Variants in SGCG observed in about 807,000 individuals in gnomAD.
SGCG encodes the protein gamma-sarcoglycan.
In SGCG, 26 loss-of-function variants were observed where a neutral mutation model predicts 29.3. The ratio of observed to expected loss-of-function variants is 0.89; its 90% CI spans 0.65 to 1.23. The LOEUF is 1.23. SGCG is among the 50% of genes most tolerant of loss of function. The probability of loss-of-function intolerance (pLI) is 0.00; values close to 1 mark genes in which losing one functional copy is unlikely to be tolerated. For missense variants in SGCG, 353 were observed against 356.0 expected (o/e 0.99, Z 0.07); for synonymous variants, 145 against 129.7 (o/e 1.12, Z -0.80).
At chr13:23,183,275 G>A (rs1876818162) in intron 1 of SGCG, among the ~76,000 whole-genome samples, 1 of 152,082 alleles carries the variant, frequency 6.6e-6, no homozygotes, top group Non-Finnish European at 1.5e-5. Context: ...ACCCATCAAT[G>A]CACCCTCTTA....
intron 6 of SGCG, among the ~76,000 whole-genome samples, chr13:23,304,607 C>T (rs917759508): frequency 6.7e-6 from 1 of 149,374 alleles, no homozygotes; most frequent in Non-Finnish European, 1.5e-5. Flanking sequence ...TTTTTTTTGG[C>T]GGCGGGGAGG....
intron 1 of SGCG, among the ~76,000 whole-genome samples, chr13:23,202,050 A>G (rs957747804): frequency 1.3e-5 from 2 of 152,244 alleles, no homozygotes; most frequent in African/African-American, 4.8e-5. Context: ...GGGCAGACCA[A>G]GTCCAGGACA....
At chr13:23,205,645 A>G (rs992273329) in intron 2 of SGCG, among the ~76,000 whole-genome samples, 3 of 152,120 alleles carry the variant, frequency 2.0e-5, no homozygotes, top group Non-Finnish European at 4.4e-5. Flanking sequence ...GAGGTATTAT[A>G]AATTTGGATT....
intron 4 of SGCG, among the ~76,000 whole-genome samples, chr13:23,273,186 CTTT>C (rs10556974): frequency 2.1e-5 from 3 of 145,722 alleles, no homozygotes; most frequent in Admixed American, 6.9e-5. Context: ...GAACTTAGTT[CTTT>C]TTTTTTTTTT....
At chr13:23,291,938 A>T (rs995125871) in intron 5 of SGCG, among the ~76,000 whole-genome samples, 3 of 152,118 alleles carry the variant, frequency 2.0e-5, no homozygotes, top group Non-Finnish European at 4.4e-5. Context: ...CCTCAAGCCT[A>T]GCTGCTGAAA....
intron 5 of SGCG, among the ~76,000 whole-genome samples, chr13:23,282,148 A>G (rs1335956310): frequency 1.3e-5 from 2 of 152,170 alleles, no homozygotes; most frequent in Non-Finnish European, 2.9e-5. Flanking sequence ...AGACAGTACA[A>G]TTTTGAGCAG....
At chr13:23,304,777 T>A (rs1053287171) in intron 6 of SGCG, among the ~76,000 whole-genome samples, 4 of 152,102 alleles carry the variant, frequency 2.6e-5, no homozygotes, top group Non-Finnish European at 5.9e-5. Context: ...CTAATTTTTG[T>A]ATTTTGTTTG....
intron 6 of SGCG, among the ~76,000 whole-genome samples, chr13:23,304,387 A>G (rs1229235912): frequency 7.2e-5 from 11 of 151,974 alleles, no homozygotes; most frequent in African/African-American, 2.4e-4. Flanking sequence ...GTGAGGTCTA[A>G]TTCTAATTTT....
At chr13:23,248,638 G>A (rs1459680197) in intron 3 of SGCG, among the ~76,000 whole-genome samples, 4 of 142,946 alleles carry the variant, frequency 2.8e-5, no homozygotes, top group Non-Finnish European at 4.7e-5. Flanking sequence ...AGCTTCCGGC[G>A]AGCCCAGATG....
At position 23,314,274 on chromosome 13, in the gene SGCG, T is replaced by C. The variant is rs1882714171; in HGVS notation, c.579-6363T>C. ...TCAGGGTTCCCTAGAGGGACAGAAC[T>C]AATAAGATATGGACTTGGAATATCT... On this transcript the variant is annotated intron_variant, in intron 6 of 7. Transcript: ENST00000218867. 3.4e-5 allele frequency among the ~76,000 whole-genome samples: 5 copies of C among 148,156 alleles called. No individual in the cohort carries two copies. The South Asian group carries it at 1.1e-3, about 32-fold the overall frequency.
Position 23,214,428 on chromosome 13 carries a change from G to C in SGCG, c.195+10539G>C, listed in dbSNP as rs148606716. Among the ~76,000 whole-genome samples the C allele has an allele frequency of 1.5e-3, 235 of 152,302 alleles. 2 individuals carry two copies. The highest frequency in any genetic ancestry group is 5.3e-3 in the African/African-American group (219 of 41,570). On this transcript the variant is annotated intron_variant, in intron 2 of 7. Coordinates refer to ENST00000218867, the MANE Select transcript of SGCG (RefSeq NM_000231.3). ...TTTCAGTAACATCTCCCCAGGGAAA[G>C]CAATATGTGGGAAGGAAGAGCAGTG... is the stretch of plus-strand genomic sequence containing the variant.
chr13:23,212,986 C>T (rs1878286076), intron 2 of SGCG, among the ~76,000 whole-genome samples: 1 of 152,058 alleles, frequency 6.6e-6, no homozygotes, highest in South Asian at 2.1e-4. Flanking sequence ...AGAGGCATTC[C>T]ATTTCTTAAC....
At chr13:23,262,537 A>T (rs1320987646) in intron 4 of SGCG, among the ~76,000 whole-genome samples, 1 of 152,036 alleles carries the variant, frequency 6.6e-6, no homozygotes, top group Non-Finnish European at 1.5e-5. Context: ...AAGAAAAGAG[A>T]TAGACAGCAA....
chr13:23,232,713 C>T (rs1361479055), intron 2 of SGCG, among the ~76,000 whole-genome samples: 2 of 151,864 alleles, frequency 1.3e-5, no homozygotes, highest in East Asian at 1.9e-4. Context: ...ACCCAGGAGG[C>T]GGAGCTTGCA....
chr13:23,185,543 C>T (rs1876937270), intron 1 of SGCG, among the ~76,000 whole-genome samples: 1 of 152,150 alleles, frequency 6.6e-6, no homozygotes, highest in Non-Finnish European at 1.5e-5. Flanking sequence ...CGACAGGTTC[C>T]CTGGGAAACA....
At chr13:23,187,655 C>T (rs1392606375) in intron 1 of SGCG, among the ~76,000 whole-genome samples, 1 of 152,148 alleles carries the variant, frequency 6.6e-6, no homozygotes, top group Non-Finnish European at 1.5e-5. Context: ...GTGACCGGGA[C>T]TCTGGGTCCC....
At chr13:23,211,161 G>A (rs1411925134) in intron 2 of SGCG, among the ~76,000 whole-genome samples, 13 of 152,146 alleles carry the variant, frequency 8.5e-5, no homozygotes, top group African/African-American at 2.7e-4. Context: ...GAAAATTGCC[G>A]ATGCCTGCTG....
intron 2 of SGCG, among the ~76,000 whole-genome samples, chr13:23,226,709 T>A (rs1878912225): frequency 6.6e-6 from 1 of 152,150 alleles, no homozygotes; most frequent in African/African-American, 2.4e-5. Flanking sequence ...GTAGTCAAAT[T>A]CATAGAGACA....
intron 2 of SGCG, among the ~76,000 whole-genome samples, chr13:23,218,180 CAA>C (rs979902822): frequency 6.6e-5 from 10 of 152,030 alleles, no homozygotes; most frequent in African/African-American, 2.4e-4. Flanking sequence ...ACTATTGAAA[CAA>C]ATAAAAAGTT....
Sources: allele counts gnomAD v4.1 joint callset (sites outside exome capture counted in the v4.1 genomes callset), GRCh38; gene constraint gnomAD v4.1.1; transcripts MANE v1.5; gene names NCBI Gene and HGNC (gene_info 2026-07-23, HGNC 2026-07-21).